Variants in AJAP1 observed in about 807,000 individuals in gnomAD.
AJAP1 encodes adherens junctions associated protein 1.
A neutral mutation model predicts 35.0 loss-of-function variants in AJAP1; 5 were observed. The observed-to-expected ratio is 0.14, with a 90% CI of 0.07 to 0.30. The LOEUF is 0.30. Ranked by LOEUF, AJAP1 falls within the 10% of genes least tolerant of loss-of-function variation. The probability of loss-of-function intolerance (pLI) is 1.00; values close to 1 mark genes in which losing one functional copy is unlikely to be tolerated. For synonymous variants in AJAP1, 284 were observed against 249.3 expected (o/e 1.14, Z -1.31); for missense variants, 586 against 571.0 (o/e 1.03, Z -0.27).
intron 1 of AJAP1, among the ~76,000 whole-genome samples, chr1:4,697,792 AC>A (rs1639900357): frequency 6.6e-6 from 1 of 152,222 alleles, no homozygotes; most frequent in South Asian, 2.1e-4. Flanking sequence ...TGGCACAGCC[AC>A]CTCAGCAAAG....
intron 3 of AJAP1, among the ~76,000 whole-genome samples, chr1:4,770,240 C>T (rs1641805888): frequency 6.6e-6 from 1 of 152,154 alleles, no homozygotes; most frequent in African/African-American, 2.4e-5. Flanking sequence ...GTTGTCCACC[C>T]AGAGCACAGT....
intron 2 of AJAP1, among the ~76,000 whole-genome samples, chr1:4,730,851 C>G (rs1171384447): frequency 6.6e-6 from 1 of 152,108 alleles, no homozygotes; most frequent in Non-Finnish European, 1.5e-5. Flanking sequence ...ACTTGGTGCT[C>G]CAGTGTTCTC....
intron 2 of AJAP1, among the ~76,000 whole-genome samples, chr1:4,724,214 C>T (rs531517230): frequency 1.3e-4 from 20 of 152,300 alleles, no homozygotes; most frequent in Middle Eastern, 3.4e-3. Flanking sequence ...GAACCATGGG[C>T]GGTGGTGGTG....
intron 1 of AJAP1, among the ~76,000 whole-genome samples, chr1:4,674,853 CGCCTATTTCTGTCTTGTT>C (rs1377346535): frequency 6.6e-5 from 10 of 152,242 alleles, no homozygotes; most frequent in Non-Finnish European, 1.3e-4. Context: ...CATCTGCACG[CGCCTATTTCTGTCTTGTT>C]GCCTGCCTCT....
In AJAP1 at chr1:4,654,889, C is replaced by G. The variant is rs1171083931; in HGVS notation, c.-537C>G. ...GCGGCGGAGCCTCTGGCAGAGCCCC[C>G]CGACCCGGCAGCGCGGAGGGGACTC... On this transcript the variant is annotated 5_prime_UTR_variant, in exon 1 of 6. Coordinates refer to ENST00000378191, the MANE Select transcript of AJAP1 (RefSeq NM_018836.4). The surrounding 1 kb of genome is among the most constrained non-coding windows in gnomAD (Gnocchi z 5.1). 1 of 150,218 alleles carries G rather than the reference C, an allele frequency of 6.7e-6. No individual in the cohort carries two copies. The highest frequency in any genetic ancestry group is 2.0e-4 in the East Asian group (1 of 5,106). 9.3% of individuals were successfully genotyped at this position (150,218 alleles called of 1,614,324 possible). A position where few individuals can be genotyped will look rare whatever the true frequency, so the allele number is the denominator to read the frequency against.
At chr1:4,770,020 C>A (rs575716568) in intron 3 of AJAP1, 80 bp downstream of exon 3, 100 of 1,249,448 alleles carry the variant, frequency 8.0e-5, no homozygotes, top group Non-Finnish European at 2.9e-5. Flanking sequence ...AAGGCCCCTA[C>A]TTTTCAAAGC....
chr1:4,777,861 A>T (rs891975456), intron 5 of AJAP1: 1 of 152,194 alleles, frequency 6.6e-6, no homozygotes, highest in Non-Finnish European at 1.5e-5. Context: ...TTGTTATTCA[A>T]AGGAGCCTGT....
At chr1:4,717,292 C>T (rs952629157) in intron 2 of AJAP1, among the ~76,000 whole-genome samples, 1 of 152,200 alleles carries the variant, frequency 6.6e-6, no homozygotes, top group Non-Finnish European at 1.5e-5. Context: ...ATGAAGGTTT[C>T]CTGAACCTTA....
intron 1 of AJAP1, among the ~76,000 whole-genome samples, chr1:4,708,986 G>A (rs1290723297): frequency 6.6e-6 from 1 of 152,194 alleles, no homozygotes; most frequent in Non-Finnish European, 1.5e-5. Context: ...GCAATTGGTT[G>A]GTTTTTCTGC....
chr1:4,655,502 G>C lies in AJAP1; in HGVS notation c.29+48G>C. The C allele has an allele frequency of 1.3e-6, 2 of 1,550,828 alleles. No individual in the cohort carries two copies. Among genetic ancestry groups the C allele is most frequent in the South Asian group, 2.3e-5 (2 of 86,416 alleles). On this transcript the variant is annotated intron_variant, in intron 1 of 5. Coordinates refer to ENST00000378191, the MANE Select transcript of AJAP1 (RefSeq NM_018836.4). This position sits in a 1 kb window ranked among gnomAD's most constrained non-coding sequence, Gnocchi z 6.9. Reference sequence around the variant, plus strand: ...GGTGCGTGTGGGCGCGTGGGTGCCAGGCTGGGCGGAAGCGGCGCTTTCCTC... The same window carrying C: ...GGTGCGTGTGGGCGCGTGGGTGCCACGCTGGGCGGAAGCGGCGCTTTCCTC...
chr1:4,658,055 G>A (rs1570075457), intron 1 of AJAP1, among the ~76,000 whole-genome samples: 1 of 152,076 alleles, frequency 6.6e-6, no homozygotes, highest in African/African-American at 2.4e-5. Flanking sequence ...GAGGGGGCGC[G>A]TACTCAGCAA....
At chr1:4,694,404 C>T (rs1265540424) in intron 1 of AJAP1, among the ~76,000 whole-genome samples, 3 of 152,170 alleles carry the variant, frequency 2.0e-5, no homozygotes, top group Admixed American at 6.5e-5. Flanking sequence ...GGCCATGTCA[C>T]CTCACCATTC....
In AJAP1 at chr1:4,720,777, A is replaced by C. The variant is rs1640499664; in HGVS notation, c.829+8078A>C. Among the ~76,000 whole-genome samples the C allele has an allele frequency of 6.6e-6, 1 of 152,166 alleles. No individual in the cohort carries two copies. Among genetic ancestry groups the C allele is most frequent in the Admixed American group, 6.5e-5 (1 of 15,288 alleles). On this transcript the variant is annotated intron_variant, in intron 2 of 5. Transcript: ENST00000378191. This position sits in a 1 kb window ranked among gnomAD's most constrained non-coding sequence, Gnocchi z 4.4. ...ATGCCATTTGCTTTCTGTGACCTTCAGTATCCTCTTTTGAGGTCAGTTAGG... is the reference window on the plus strand; with the variant it reads ...ATGCCATTTGCTTTCTGTGACCTTCCGTATCCTCTTTTGAGGTCAGTTAGG...
chr1:4,780,637 T>C (rs1482386829), intron 5 of AJAP1, among the ~76,000 whole-genome samples: 1 of 148,910 alleles, frequency 6.7e-6, no homozygotes, highest in Non-Finnish European at 1.5e-5. Flanking sequence ...TTCTTTCTTT[T>C]TTTTTTTTTT....
intron 1 of AJAP1, among the ~76,000 whole-genome samples, chr1:4,662,548 A>G (rs1238685937): frequency 6.6e-6 from 1 of 152,118 alleles, no homozygotes; most frequent in Non-Finnish European, 1.5e-5. Flanking sequence ...CTTCGCGTGC[A>G]CGCCTCGGGA....
intron 1 of AJAP1, among the ~76,000 whole-genome samples, chr1:4,688,245 G>T (rs1076944): frequency 0.4 from 61,336 of 151,874 alleles, 12,705 homozygotes; most frequent in African/African-American, 0.47. Context: ...TTGGCATGCG[G>T]GGGGAGTGGG....
In AJAP1 at chr1:4,728,424, C is replaced by T. The variant is rs1640720606; in HGVS notation, c.829+15725C>T. On this transcript the variant is annotated intron_variant, in intron 2 of 5. Coordinates refer to ENST00000378191, the MANE Select transcript of AJAP1 (RefSeq NM_018836.4). ...CATGAGGAATGCACTCACACTGCCA[C>T]AGCCAAATGCACCTGCGTGTTCCCA... Among the ~76,000 whole-genome samples the T allele has an allele frequency of 2.6e-5, 4 of 152,186 alleles. No homozygotes were observed. In the South Asian group the frequency reaches 8.3e-4, roughly 31 times the overall value.
intron 2 of AJAP1, among the ~76,000 whole-genome samples, chr1:4,745,669 C>G (rs1330960215): frequency 2.0e-5 from 3 of 152,194 alleles, no homozygotes; most frequent in Non-Finnish European, 4.4e-5. Context: ...AAGGCCTCCT[C>G]CAAGAGGTGT....
chr1:4,719,059 C>A (rs1162967550), intron 2 of AJAP1, among the ~76,000 whole-genome samples: 1 of 152,142 alleles, frequency 6.6e-6, no homozygotes, highest in East Asian at 1.9e-4. Flanking sequence ...GATAACAAAT[C>A]TGTTTGATAT....
Sources: allele counts gnomAD v4.1 joint callset (sites outside exome capture counted in the v4.1 genomes callset), GRCh38; gene constraint gnomAD v4.1.1; non-coding constraint Gnocchi (gnomAD v3.1); transcripts MANE v1.5; gene names NCBI Gene and HGNC (gene_info 2026-07-23, HGNC 2026-07-21).